The following RBFOX1 variants were observed in gnomAD, a reference collection of about 807,000 sequenced individuals.
The protein encoded by RBFOX1 is RNA binding fox-1 homolog 1.
In RBFOX1, 8 loss-of-function variants were observed where a neutral mutation model predicts 57.7. The ratio of observed to expected loss-of-function variants is 0.14; its 90% confidence interval spans 0.08 to 0.25. The LOEUF is 0.25. Among genes scored for constraint, RBFOX1 ranks in the 10% least tolerant of loss-of-function variants. The pLI, the probability that RBFOX1 is intolerant of heterozygous loss-of-function variation, is 1.00. For missense variants in RBFOX1, 611 were observed against 548.5 expected (o/e 1.11, Z -1.14); for synonymous variants, 326 against 222.4 (o/e 1.47, Z -4.15).
intron 4 of RBFOX1, among the ~76,000 whole-genome samples, chr16:5,901,090 T>C (rs1163053018): frequency 6.6e-6 from 1 of 152,158 alleles, no homozygotes; most frequent in Non-Finnish European, 1.5e-5. Context: ...GTGCTGTGAC[T>C]AGTGTCAGGA....
At chr16:7,109,102 A>G (rs1247047913) in intron 4 of RBFOX1, among the ~76,000 whole-genome samples, 3 of 152,202 alleles carry the variant, frequency 2.0e-5, no homozygotes, top group Non-Finnish European at 2.9e-5. Context: ...GGATGGAAAA[A>G]GAGCCACCTC....
chr16:7,035,268 C>T (rs971120307), intron 3 of RBFOX1, among the ~76,000 whole-genome samples: 1 of 152,066 alleles, frequency 6.6e-6, no homozygotes. Flanking sequence ...TGGGATTCCG[C>T]ACCCTCCCCT....
At position 5,488,538 on chromosome 16, in the gene RBFOX1, G is replaced by A. The variant is rs542120736; in HGVS notation, c.258+21284G>A. 9.1e-5 allele frequency among the ~76,000 whole-genome samples: 7 copies of A among 76,848 alleles called. No homozygotes were observed. In the South Asian group the frequency reaches 2.2e-3, roughly 24 times the overall value. 50.4% of individuals were successfully genotyped at this position (76,848 alleles called of 152,430 possible). A position where few individuals can be genotyped will look rare whatever the true frequency, so the allele number is the denominator to read the frequency against. On this transcript the variant is annotated intron_variant, in intron 2 of 2. Transcript: ENST00000585867. ...TGATGATTGAAGATGATGGTGTGGC[G>A]GGGTGTGATGGTGATAATGGAGGAT... is the stretch of plus-strand genomic sequence containing the variant.
At chr16:7,616,689 AC>A (rs1198015683) in intron 10 of RBFOX1, among the ~76,000 whole-genome samples, 1 of 152,048 alleles carries the variant, frequency 6.6e-6, no homozygotes, top group South Asian at 2.1e-4. Context: ...CCGCCACCAC[AC>A]CCAGCTAACT....
At chr16:7,665,024 T>C (rs374551266) in intron 13 of RBFOX1, 56 bp downstream of exon 13, 1 of 1,613,814 alleles carries the variant, frequency 6.2e-7, no homozygotes, top group African/African-American at 1.3e-5. Context: ...TCATTCTTTT[T>C]ACAAGTTTGC....
intron 4 of RBFOX1, among the ~76,000 whole-genome samples, chr16:7,243,657 C>T (rs981270865): frequency 5.9e-5 from 9 of 152,104 alleles, no homozygotes; most frequent in African/African-American, 1.9e-4. Flanking sequence ...AAGTGATCCT[C>T]CCAGCTCAGC....
intron 4 of RBFOX1, among the ~76,000 whole-genome samples, chr16:5,959,923 G>T (rs2059716021): frequency 6.6e-6 from 1 of 152,216 alleles, no homozygotes; most frequent in African/African-American, 2.4e-5. Flanking sequence ...ACCCTAGGCT[G>T]GGCGCGGTGG....
At chr16:5,993,340 C>CGTGTGTGTGT (rs58189800) in intron 4 of RBFOX1, among the ~76,000 whole-genome samples, 1 of 132,866 alleles carries the variant, frequency 7.5e-6, no homozygotes, top group Non-Finnish European at 1.6e-5. Flanking sequence ...TAATGCTGTA[C>CGTGTGTGTGT]GTGTGTGTGT....
intron 4 of RBFOX1, among the ~76,000 whole-genome samples, chr16:7,298,812 A>G (rs1197384058): frequency 2.6e-5 from 4 of 152,204 alleles, no homozygotes; most frequent in East Asian, 1.9e-4. Context: ...AAATGTTTTC[A>G]TCTTTGTCAT....
chr16:5,794,901 C>G (rs2054824930), intron 3 of RBFOX1, among the ~76,000 whole-genome samples: 1 of 152,156 alleles, frequency 6.6e-6, no homozygotes, highest in Admixed American at 6.5e-5. Context: ...TACCCCATCA[C>G]ATGGGATCCC....
intron 2 of RBFOX1, among the ~76,000 whole-genome samples, chr16:6,433,119 T>C (rs149549082): frequency 5.4e-4 from 83 of 152,322 alleles, no homozygotes; most frequent in African/African-American, 1.9e-3. Context: ...ATGGAAGCCA[T>C]TGCAGCAGTT....
chr16:5,908,794 G>C (rs1403678859), intron 4 of RBFOX1, among the ~76,000 whole-genome samples: 1 of 152,044 alleles, frequency 6.6e-6, no homozygotes, highest in Non-Finnish European at 1.5e-5. Context: ...TTCCTGATGT[G>C]AGGATGTTCA....
intron 2 of RBFOX1, among the ~76,000 whole-genome samples, chr16:5,558,707 A>T (rs2045774616): frequency 6.6e-6 from 1 of 152,012 alleles, no homozygotes; most frequent in Admixed American, 6.5e-5. Context: ...GGACCCTGAG[A>T]CTGTCAGCCC....
chr16:6,026,989 A>G lies in RBFOX1; in HGVS notation c.-127+6997A>G, dbSNP rs527535941. Among the ~76,000 whole-genome samples, 3 of 152,370 alleles carry G rather than the reference A, an allele frequency of 2.0e-5. No individual in the cohort carries two copies. In the South Asian group the frequency reaches 6.2e-4, roughly 32 times the overall value. ...GCTTCCCTCTTCATTTCTTCTGAGAACAAAATTAGATCTTTGCCAGCATAA... is the reference window on the plus strand; with the variant it reads ...GCTTCCCTCTTCATTTCTTCTGAGAGCAAAATTAGATCTTTGCCAGCATAA... On this transcript the variant is annotated intron_variant, in intron 1 of 15. Transcript: ENST00000550418.
At chr16:6,586,076 T>A (rs191416939) in intron 2 of RBFOX1, among the ~76,000 whole-genome samples, 1 of 152,340 alleles carries the variant, frequency 6.6e-6, no homozygotes, top group Non-Finnish European at 1.5e-5. Context: ...ATGCTTAATT[T>A]GAAATGCTTC....
At chr16:7,304,244 GA>G (rs2096115283) in intron 4 of RBFOX1, 1 of 980,322 alleles carries the variant, frequency 1.0e-6, no homozygotes. Context: ...GAGAGAGAGA[GA>G]GACAGCGCGA....
intron 1 of RBFOX1, among the ~76,000 whole-genome samples, chr16:5,398,063 AC>A (rs200129970): frequency 6.7e-6 from 1 of 149,148 alleles, no homozygotes; most frequent in South Asian, 2.1e-4. Flanking sequence ...GAAAAACCAC[AC>A]GGGGCTGTGA....
intron 4 of RBFOX1, among the ~76,000 whole-genome samples, chr16:7,230,159 G>A (rs934257338): frequency 5.9e-5 from 9 of 151,600 alleles, no homozygotes; most frequent in Admixed American, 2.6e-4. Context: ...TTTTTTCTGC[G>A]TTCGTTTACT....
At chr16:7,124,324 G>A (rs1487801106) in intron 4 of RBFOX1, among the ~76,000 whole-genome samples, 2 of 152,112 alleles carry the variant, frequency 1.3e-5, no homozygotes, top group Non-Finnish European at 2.9e-5. Flanking sequence ...TGAGGTGGGA[G>A]GATCCCTTGA....
Sources: gnomAD v4.1 joint callset for allele counts (sites outside exome capture counted in the v4.1 genomes callset) on GRCh38, gnomAD v4.1.1 for gene constraint, MANE v1.5 for transcripts, NCBI Gene and HGNC (gene_info 2026-07-23, HGNC 2026-07-21) for gene names.